DOK6: variants seen among roughly 807,000 people sequenced by gnomAD.
DOK6 encodes downstream of tyrosine kinase 6.
DOK6 carries 22 observed loss-of-function variants against 44.0 expected under a neutral mutation model. The observed-to-expected ratio is 0.50, with a 90% CI of 0.36 to 0.71. DOK6 has a LOEUF of 0.71. Among genes scored for constraint, DOK6 ranks in the 30% least tolerant of loss-of-function variants. The pLI is 0.00. For missense variants in DOK6, 340 were observed against 416.4 expected, an observed-to-expected ratio of 0.82 and a Z score of 1.60; for synonymous variants, 166 against 145.5, an observed-to-expected ratio of 1.14 and a Z score of -1.01.
chr18:69,778,170 G>A lies in DOK6; in HGVS notation c.856+20297G>A, dbSNP rs117462802. On this transcript the variant is annotated intron_variant, in intron 7 of 7. Transcript: ENST00000382713. Reference sequence around the variant, plus strand: ...AGAGACGGAAAATACATGGGTATGCGCACAAGTCAAATAATGGAATTGAAC... The same window carrying A: ...AGAGACGGAAAATACATGGGTATGCACACAAGTCAAATAATGGAATTGAAC... 8.4e-3 allele frequency among the ~76,000 whole-genome samples: 1,275 copies of A among 152,216 alleles called. 20 individuals carry two copies. The highest frequency in any genetic ancestry group is 0.028 in the South Asian group (137 of 4,818).
rs1491443182 is a variant in DOK6, at chr18:69,762,144, TGC to T, written c.856+4272_856+4273del. Among the ~76,000 whole-genome samples the T allele has an allele frequency of 3.8e-3, 363 of 95,662 alleles. 3 individuals are homozygous for T. Among genetic ancestry groups the T allele is most frequent in the Non-Finnish European group, 6.2e-3 (265 of 42,650 alleles). 62.8% of individuals were successfully genotyped at this position (95,662 alleles called of 152,430 possible). A position where few individuals can be genotyped will look rare whatever the true frequency, so the allele number is the denominator to read the frequency against. ...GGGCAATATAGTGAGACTCCATCTC[TGC>T]ATGCATACATACATACATACATACA... On this transcript the variant is annotated intron_variant, in intron 7 of 7. Coordinates refer to ENST00000382713, the MANE Select transcript of DOK6 (RefSeq NM_152721.6).
intron 1 of DOK6, among the ~76,000 whole-genome samples, chr18:69,496,074 C>T (rs1425543623): frequency 6.6e-6 from 1 of 152,216 alleles, no homozygotes; most frequent in African/African-American, 2.4e-5. Flanking sequence ...GAATGTGGGT[C>T]TCCTGCCTGC....
At chr18:69,534,131 A>G (rs534151166) in intron 1 of DOK6, among the ~76,000 whole-genome samples, 2 of 152,264 alleles carry the variant, frequency 1.3e-5, no homozygotes, top group South Asian at 2.1e-4. Context: ...AATCTGCCAA[A>G]TGGAAGGCTA....
chr18:69,455,156 C>CAAAAAAAAAAAAA (rs58451274), intron 1 of DOK6, among the ~76,000 whole-genome samples: 3 of 117,440 alleles, frequency 2.6e-5, no homozygotes, highest in Non-Finnish European at 3.5e-5. Flanking sequence ...ATAGCTATAG[C>CAAAAAAAAAAAAA]AAAAAAAAAA....
At chr18:69,824,836 A>T (rs1288470273) in intron 7 of DOK6, among the ~76,000 whole-genome samples, 2 of 152,368 alleles carry the variant, frequency 1.3e-5, no homozygotes. Flanking sequence ...GCAGGACTGA[A>T]TGAAGTGAAG....
rs567659482 is a variant in DOK6, at chr18:69,534,192, C to T, written c.67-30295C>T. ...ATTAAGTGGCAGTTTTAATGCAGGT[C>T]TCTTTGACTATGCTATATGTGTCTC... On this transcript the variant is annotated intron_variant, in intron 1 of 7. Coordinates refer to ENST00000382713, the MANE Select transcript of DOK6 (RefSeq NM_152721.6). 2.0e-5 allele frequency among the ~76,000 whole-genome samples: 3 copies of T among 152,250 alleles called. No individual in the cohort carries two copies. In the East Asian group the frequency reaches 5.8e-4, roughly 29 times the overall value.
At chr18:69,643,068 C>A (rs1229969090) in intron 3 of DOK6, among the ~76,000 whole-genome samples, 1 of 152,052 alleles carries the variant, frequency 6.6e-6, no homozygotes, top group Non-Finnish European at 1.5e-5. Context: ...TCATTATGGC[C>A]CTATGGATTC....
At chr18:69,427,193 CCTCTCT>C (rs946265781) in intron 1 of DOK6, among the ~76,000 whole-genome samples, 2 of 151,078 alleles carry the variant, frequency 1.3e-5, no homozygotes, top group Admixed American at 6.6e-5. Flanking sequence ...TCTCCCTCTC[CCTCTCT>C]CTCTCTCTTT....
In DOK6 at chr18:69,483,286, C is replaced by CA. The variant is rs1052358843; in HGVS notation, c.67-81195dup. On this transcript the variant is annotated intron_variant, in intron 1 of 7. Coordinates refer to ENST00000382713, the MANE Select transcript of DOK6 (RefSeq NM_152721.6). ...TAAACTTCAGCAAAGTCTCAGGATA[C>CA]AAAAAATCAATGTGCACAAATTACT... Among the ~76,000 whole-genome samples, 18 of 151,994 alleles carry CA rather than the reference C, an allele frequency of 1.2e-4. 1 individual carries two copies. The highest frequency in any genetic ancestry group is 6.8e-3 in the Middle Eastern group (2 of 294).
At chr18:69,767,488 A>C (rs1979753174) in intron 7 of DOK6, among the ~76,000 whole-genome samples, 1 of 152,068 alleles carries the variant, frequency 6.6e-6, no homozygotes, top group Non-Finnish European at 1.5e-5. Flanking sequence ...CCTCTTTTCC[A>C]ACCCAAGGTT....
At position 69,696,932 on chromosome 18, in the gene DOK6, A is replaced by C. The variant is rs553970599; in HGVS notation, c.410-1472A>C. 5.3e-5 allele frequency among the ~76,000 whole-genome samples: 8 copies of C among 152,340 alleles called. No homozygotes were observed. In the South Asian group the frequency reaches 6.2e-4, roughly 12 times the overall value. On this transcript the variant is annotated intron_variant, in intron 4 of 7. Transcript: ENST00000382713. Reference sequence around the variant, plus strand: ...AATGTTCTTTCTTCAGCTTTTAGCCATAGAATTGATTGCAATTTGTCGTTT... The same window carrying C: ...AATGTTCTTTCTTCAGCTTTTAGCCCTAGAATTGATTGCAATTTGTCGTTT...
chr18:69,827,365 T>C (rs1197349202), intron 7 of DOK6, among the ~76,000 whole-genome samples: 4 of 152,104 alleles, frequency 2.6e-5, no homozygotes, highest in African/African-American at 9.6e-5. Context: ...TGTAGCCTTA[T>C]AAGAGTGACA....
At chr18:69,479,038 C>A (rs946886213) in intron 1 of DOK6, among the ~76,000 whole-genome samples, 2 of 152,082 alleles carry the variant, frequency 1.3e-5, no homozygotes, top group African/African-American at 4.8e-5. Flanking sequence ...TTTTGCTAAA[C>A]TGTTTCTTGA....
rs553681147 is a variant in DOK6 at position 69,708,654 on chromosome 18, G to A, written c.599+10061G>A. ...ACAAAAAACAGCTGGGCATGGTGGC[G>A]GACGCCAGTGTCCCACCTACTCGGG... On this transcript the variant is annotated intron_variant, in intron 5 of 7. Coordinates refer to ENST00000382713, the MANE Select transcript of DOK6 (RefSeq NM_152721.6). Among the ~76,000 whole-genome samples, 92 of 152,034 alleles carry A rather than the reference G, an allele frequency of 6.1e-4. 1 individual carries two copies. In the South Asian group the frequency reaches 0.013, roughly 22 times the overall value.
chr18:69,796,624 T>C (rs948758534), intron 7 of DOK6, among the ~76,000 whole-genome samples: 6 of 152,192 alleles, frequency 3.9e-5, no homozygotes, highest in African/African-American at 1.4e-4. Flanking sequence ...ATAAAGTTTA[T>C]GGAAAGATTA....
At chr18:69,622,203 C>T (rs532646421) in intron 3 of DOK6, among the ~76,000 whole-genome samples, 1 of 152,126 alleles carries the variant, frequency 6.6e-6, no homozygotes, top group Non-Finnish European at 1.5e-5. Flanking sequence ...ATCTTATTAG[C>T]TTATAAGCTC....
At chr18:69,773,542 G>A (rs12965368) in intron 7 of DOK6, among the ~76,000 whole-genome samples, 61,392 of 151,736 alleles carry the variant, frequency 0.4, 14,829 homozygotes, top group East Asian at 0.7. Context: ...GCTACATCAT[G>A]GATGAGCCTT....
intron 2 of DOK6, among the ~76,000 whole-genome samples, chr18:69,564,966 G>A (rs568888878): frequency 1.2e-3 from 188 of 152,238 alleles, no homozygotes; most frequent in Middle Eastern, 3.4e-3. Context: ...GCCTTTAACA[G>A]TGCTAATGAT....
intron 3 of DOK6, among the ~76,000 whole-genome samples, chr18:69,676,836 A>G (rs1355266995): frequency 2.6e-5 from 4 of 152,214 alleles, no homozygotes; most frequent in Non-Finnish European, 5.9e-5. Flanking sequence ...GGCTTACACC[A>G]AAGTCAAATT....
Sources: gnomAD v4.1 joint callset for allele counts (sites outside exome capture counted in the v4.1 genomes callset) on GRCh38, gnomAD v4.1.1 for gene constraint, MANE v1.5 for transcripts, NCBI Gene and HGNC (gene_info 2026-07-23, HGNC 2026-07-21) for gene names.